Variants in CATSPER4 observed in about 807,000 individuals in gnomAD.
The protein encoded by CATSPER4 is cation channel sperm-associated protein 4.
A neutral mutation model predicts 54.4 loss-of-function variants in CATSPER4; 46 were observed. The observed-to-expected ratio is 0.84, with a 90% CI of 0.67 to 1.08. CATSPER4 has a LOEUF of 1.08. Among genes scored for constraint, CATSPER4 ranks in the 50% least tolerant of loss-of-function variants. The pLI is 0.00. For synonymous variants in CATSPER4, 230 were observed against 231.9 expected, an observed-to-expected ratio of 0.99 and a Z score of 0.08; for missense variants, 574 against 612.8, an observed-to-expected ratio of 0.94 and a Z score of 0.67.
intron 2 of CATSPER4, among the ~76,000 whole-genome samples, chr1:26,192,971 G>A (rs6675867): frequency 4.0e-5 from 6 of 151,578 alleles, no homozygotes; most frequent in Non-Finnish European, 8.8e-5. Context: ...GGCATGGTGC[G>A]CACGCCTATA....
At chr1:26,201,664 C>CT in intron 9 of CATSPER4, 145 bp downstream of exon 9, 1 of 661,770 alleles carries the variant, frequency 1.5e-6, no homozygotes, top group Non-Finnish European at 2.6e-6. Context: ...CCTTTTTTTT[C>CT]TTTTTTCTTT....
At chr1:26,201,226 A>G in intron 8 of CATSPER4, 128 bp from the exon 9 acceptor site, 1 of 1,089,852 alleles carries the variant, frequency 9.2e-7, no homozygotes, top group Non-Finnish European at 1.4e-6. Flanking sequence ...ACACAAGGGC[A>G]CAGCTCGGCC....
intron 6 of CATSPER4, 36 bp downstream of exon 6, chr1:26,198,455 T>C: frequency 6.2e-7 from 1 of 1,613,132 alleles, no homozygotes; most frequent in Non-Finnish European, 8.5e-7. Flanking sequence ...TCATCCCACC[T>C]ATGGGGCAGG....
chr1:26,202,593 G>A lies in CATSPER4; in HGVS notation c.*51G>A, dbSNP rs548868450. The A allele has an allele frequency of 3.9e-5, 60 of 1,520,310 alleles. No homozygotes were observed. In the South Asian group the frequency reaches 4.9e-4, roughly 12 times the overall value. 94.2% of individuals were successfully genotyped at this position (1,520,310 alleles called of 1,614,324 possible). A position where few individuals can be genotyped will look rare whatever the true frequency, so the allele number is the denominator to read the frequency against. On this transcript the variant is annotated 3_prime_UTR_variant, in exon 10 of 10. Transcript: ENST00000456354. ...CTGCACACACACACCCAGCCGCTGCGTCTTCCTGTGTCCTTAGTGTGGCTT... is the reference window on the plus strand; with the variant it reads ...CTGCACACACACACCCAGCCGCTGCATCTTCCTGTGTCCTTAGTGTGGCTT...
At chr1:26,193,969 A>AAACTGAGG (rs2088905296) in intron 3 of CATSPER4, 81 bp downstream of exon 3, 2 of 925,964 alleles carry the variant, frequency 2.2e-6, no homozygotes, top group Non-Finnish European at 3.6e-6. Context: ...CTGGCCCTAC[A>AAACTGAGG]AACTGAGGGT....
intron 1 of CATSPER4, 136 bp downstream of exon 1, chr1:26,190,976 G>C: frequency 1.2e-6 from 1 of 821,640 alleles, no homozygotes; most frequent in Non-Finnish European, 2.0e-6. Flanking sequence ...CTGAGTGACT[G>C]CCCATGATAT....
intron 5 of CATSPER4, 58 bp downstream of exon 5, chr1:26,198,135 A>G: frequency 6.2e-7 from 1 of 1,614,052 alleles, no homozygotes. Context: ...CCCTTGGGTC[A>G]TTGCAAATAG....
chr1:26,197,537 C>T (rs1205765738), intron 3 of CATSPER4, 149 bp from the exon 4 acceptor site: 15 of 663,900 alleles, frequency 2.3e-5, no homozygotes, highest in Admixed American at 4.5e-5. Context: ...GTTTGGGGGG[C>T]GGCAGGGTAA....
chr1:26,201,406 G>A lies in CATSPER4; in HGVS notation c.1252G>A (p.Val418Met), dbSNP rs778868474. 3.1e-6 allele frequency: 5 copies of A among 1,614,154 alleles called. No individual in the cohort carries two copies. In the East Asian group the frequency reaches 8.9e-5, roughly 29 times the overall value. ...CTTCAACCAGGAGCAGGAGTCAGAG[G>A]TGTTGAACAGGCGCTCGTCGACGAG... ...IRFNQEQESEVLNRRSSTSGS... is the reference protein window; with the variant it reads ...IRFNQEQESEMLNRRSSTSGS... Residue 418 changes from valine to methionine, a missense_variant, in exon 9 of 10, where the codon GTG becomes ATG. By Grantham distance (21) the Val-to-Met change is conservative. Coordinates refer to ENST00000456354, the MANE Select transcript of CATSPER4 (RefSeq NM_198137.2).
intron 3 of CATSPER4, among the ~76,000 whole-genome samples, chr1:26,194,954 G>A (rs1393835775): frequency 6.6e-6 from 1 of 152,068 alleles, no homozygotes; most frequent in Non-Finnish European, 1.5e-5. Context: ...GCGTGGTGGC[G>A]CGTGCCTGTA....
At chr1:26,197,080 G>T (rs1303974282) in intron 3 of CATSPER4, among the ~76,000 whole-genome samples, 18 of 151,762 alleles carry the variant, frequency 1.2e-4, no homozygotes, top group Non-Finnish European at 2.4e-4. Flanking sequence ...GATAATTTTT[G>T]TATTTTTAGT....
At position 26,191,459 on chromosome 1, in the gene CATSPER4, C is replaced by T. The variant is rs374451102; in HGVS notation, c.357+29C>T. ...GGATGCCAGCATGACCTCTGCCCCA[C>T]TAACCCTAATGGGGGGCCTGGGGCA... is the stretch of plus-strand genomic sequence containing the variant. On this transcript the variant is annotated intron_variant, in intron 2 of 9. Transcript: ENST00000456354. 304 of 1,612,838 alleles carry T rather than the reference C, an allele frequency of 1.9e-4. 2 individuals are homozygous for T. Among genetic ancestry groups the T allele is most frequent in the Non-Finnish European group, 2.5e-4 (298 of 1,179,392 alleles).
intron 3 of CATSPER4, among the ~76,000 whole-genome samples, chr1:26,194,492 C>T (rs2088908872): frequency 1.3e-5 from 2 of 152,234 alleles, no homozygotes; most frequent in Admixed American, 1.3e-4. Context: ...TTAGGTGCTG[C>T]TTTGTGTCTC....
Position 26,197,758 on chromosome 1 carries a change from A to G in CATSPER4, c.532A>G (p.Ile178Val). 1 of 1,613,844 alleles carries G rather than the reference A, an allele frequency of 6.2e-7. No individual in the cohort carries two copies. Among genetic ancestry groups the G allele is most frequent in the Non-Finnish European group, 8.5e-7 (1 of 1,179,772 alleles). ...GCGGTTCTTCATTAATGAAATCAAT[A>G]TTCCCTCCATCAACTACACTCTCAG... ...LLRFFINEIN[I>V]PSINYTLRAL... The change falls in exon 4 of 10, where the codon ATT becomes GTT. Residue 178 changes from isoleucine to valine, a missense_variant. Coordinates refer to ENST00000456354, the MANE Select transcript of CATSPER4 (RefSeq NM_198137.2).
At chr1:26,196,691 T>A (rs2088942557) in intron 3 of CATSPER4, among the ~76,000 whole-genome samples, 1 of 151,668 alleles carries the variant, frequency 6.6e-6, no homozygotes, top group African/African-American at 2.4e-5. Context: ...AATTACAGGC[T>A]TGCACCACTG....
chr1:26,193,792 CTA>C lies in CATSPER4; in HGVS notation c.365_366del (p.Tyr122Ter). 1 of 1,609,290 alleles carries C rather than the reference CTA, an allele frequency of 6.2e-7. No homozygotes were observed. Among genetic ancestry groups the C allele is most frequent in the East Asian group, 2.2e-5 (1 of 44,874 alleles). ...RTNSYLDQKH[Y>X]ELFSTIDDIV... Reference sequence around the variant, plus strand: ...TTTCTCTGTCTCCCATGTAGAAACACTATGAGTTGTTCTCTACCATAGATGAC... The same window carrying C: ...TTTCTCTGTCTCCCATGTAGAAACACTGAGTTGTTCTCTACCATAGATGAC... On this transcript the variant is annotated frameshift_variant, in exon 3 of 10. Coordinates refer to ENST00000456354, the MANE Select transcript of CATSPER4 (RefSeq NM_198137.2). LOFTEE classifies it high-confidence loss of function.
rs1247395167 is a variant in CATSPER4 at position 26,190,834 on chromosome 1, C to A, written c.207C>A (p.Asn69Lys). The A allele has an allele frequency of 6.2e-7, 1 of 1,608,414 alleles. No individual in the cohort carries two copies. The highest frequency in any genetic ancestry group is 1.7e-5 in the Admixed American group (1 of 59,194). The stretch of plus-strand genomic sequence containing the variant: ...TCATCAACCGCCAGGAAATCACGAA[C>A]AAAGCGGTAAGGATAGCTCTCGCCC... ...QVLINRQEIT[N>K]KADAWDMQEF... Residue 69 changes from asparagine (N) to lysine (K), a missense_variant, in exon 1 of 10, where the codon AAC becomes AAA. Transcript: ENST00000456354.
At chr1:26,191,168 TC>T in intron 1 of CATSPER4, 118 bp from the exon 2 acceptor site, 2 of 1,173,122 alleles carry the variant, frequency 1.7e-6, no homozygotes, top group Non-Finnish European at 2.5e-6. Flanking sequence ...TGATCCACTC[TC>T]AGATGATTTC....
chr1:26,202,118 T>A (rs1193107232), intron 9 of CATSPER4, among the ~76,000 whole-genome samples: 1 of 152,186 alleles, frequency 6.6e-6, no homozygotes, highest in Non-Finnish European at 1.5e-5. Context: ...CTACCCTTTC[T>A]TAGTGTGTGT....
Sources: gnomAD v4.1 joint callset for allele counts (sites outside exome capture counted in the v4.1 genomes callset) on GRCh38, gnomAD v4.1.1 for gene constraint, MANE v1.5 for transcripts, NCBI Gene and HGNC (gene_info 2026-07-23, HGNC 2026-07-21) for gene names.